LYN: variants seen among roughly 807,000 people sequenced by gnomAD.
The protein encoded by LYN is tyrosine-protein kinase Lyn.
Under a neutral mutation model 65.0 loss-of-function variants are expected in LYN, and 12 were observed. That is an observed-to-expected ratio of 0.18 (90% CI 0.12 to 0.30). The LOEUF (loss-of-function observed/expected upper bound fraction) is 0.30. Ranked by LOEUF, LYN falls within the 10% of genes least tolerant of loss-of-function variation. The pLI is 1.00. For synonymous variants in LYN, 222 were observed against 221.2 expected, an observed-to-expected ratio of 1.00 and a Z score of -0.03; for missense variants, 380 against 623.2, an observed-to-expected ratio of 0.61 and a Z score of 4.16.
At chr8:55,910,093 G>A (rs1485293695) in intron 1 of LYN, among the ~76,000 whole-genome samples, 1 of 151,368 alleles carries the variant, frequency 6.6e-6, no homozygotes, top group Non-Finnish European at 1.5e-5. Flanking sequence ...CCATTCTGCA[G>A]GTTGTCGGTT....
chr8:55,910,352 A>G (rs1395542196), intron 1 of LYN, among the ~76,000 whole-genome samples: 2 of 152,150 alleles, frequency 1.3e-5, no homozygotes, highest in Non-Finnish European at 2.9e-5. Context: ...GTCCAGTTTC[A>G]TTCTTCCGCA....
chr8:55,885,521 G>C (rs1804767969), intron 1 of LYN, among the ~76,000 whole-genome samples: 1 of 152,186 alleles, frequency 6.6e-6, no homozygotes, highest in Non-Finnish European at 1.5e-5. Flanking sequence ...AGGTCTTCGT[G>C]TGGTCTTTGG....
chr8:55,954,913 G>GT (rs1216690709), intron 8 of LYN, among the ~76,000 whole-genome samples: 1 of 152,102 alleles, frequency 6.6e-6, no homozygotes, highest in African/African-American at 2.4e-5. Context: ...GGTGATAAGA[G>GT]TTTTTTAGAA....
At chr8:55,982,862 T>A (rs1807967060) in intron 10 of LYN, among the ~76,000 whole-genome samples, 1 of 152,046 alleles carries the variant, frequency 6.6e-6, no homozygotes, top group South Asian at 2.1e-4. Flanking sequence ...CCACTCACCC[T>A]CCTGCAGCCG....
chr8:55,966,899 T>A lies in LYN; in HGVS notation c.973+2T>A. On this transcript the variant is annotated splice_donor_variant, in intron 9 of 12. Transcript: ENST00000519728. LOFTEE classifies it high-confidence loss of function. ...TCATCACCGAGTACATGGCCAAGGGTGAGTTCCTCCCACTGCCCAGAGCTT... is the reference window on the plus strand; with the variant it reads ...TCATCACCGAGTACATGGCCAAGGGAGAGTTCCTCCCACTGCCCAGAGCTT... 1 of 1,612,176 alleles carries A rather than the reference T, an allele frequency of 6.2e-7. No individual in the cohort carries two copies. Among genetic ancestry groups the A allele is most frequent in the Non-Finnish European group, 8.5e-7 (1 of 1,179,010 alleles).
At chr8:55,906,856 C>G in intron 1 of LYN, among the ~76,000 whole-genome samples, 1 of 152,110 alleles carries the variant, frequency 6.6e-6, no homozygotes. Flanking sequence ...AGCTGAGAGC[C>G]CTGTCCTTAA....
chr8:56,003,043 G>A (rs1395455124), intron 12 of LYN, among the ~76,000 whole-genome samples: 2 of 151,790 alleles, frequency 1.3e-5, no homozygotes, highest in Admixed American at 1.3e-4. Flanking sequence ...GTAAACTGCT[G>A]GCTATGTTTT....
intron 10 of LYN, among the ~76,000 whole-genome samples, chr8:55,979,667 G>A (rs1031653685): frequency 6.6e-6 from 1 of 152,158 alleles, no homozygotes; most frequent in Admixed American, 6.5e-5. Flanking sequence ...CATTCCCCAG[G>A]TTTTGCTGAG....
chr8:55,934,219 C>T (rs748750879), intron 1 of LYN, among the ~76,000 whole-genome samples: 24 of 151,636 alleles, frequency 1.6e-4, no homozygotes, highest in Non-Finnish European at 3.1e-4. Context: ...GAGCGAGATC[C>T]GTCTCAAAAA....
chr8:55,880,678 G>A (rs929355501), intron 1 of LYN, among the ~76,000 whole-genome samples: 1 of 152,244 alleles, frequency 6.6e-6, no homozygotes, highest in Admixed American at 6.5e-5. Flanking sequence ...TCGAGGGGCT[G>A]CAGCGGAGGC....
intron 10 of LYN, among the ~76,000 whole-genome samples, chr8:55,998,020 C>G (rs927971446): frequency 2.6e-5 from 4 of 151,842 alleles, no homozygotes; most frequent in Admixed American, 2.6e-4. Context: ...GGAGGTGGAG[C>G]TTGCAGTGAG....
At chr8:55,998,116 CT>C (rs552617192) in intron 10 of LYN, among the ~76,000 whole-genome samples, 324 of 143,952 alleles carry the variant, frequency 2.3e-3, no homozygotes, top group Admixed American at 2.4e-3. Flanking sequence ...AGACATGTTC[CT>C]TTTTTTTTTT....
Position 55,920,935 on chromosome 8 carries a change from G to C in LYN, c.-5-20920G>C, listed in dbSNP as rs552392072. Among the ~76,000 whole-genome samples the C allele has an allele frequency of 4.4e-3, 674 of 152,276 alleles. 4 individuals are homozygous for C. The highest frequency in any genetic ancestry group is 0.015 in the African/African-American group (622 of 41,546). Reference sequence around the variant, plus strand: ...TGGTCTTGAACTCCTGACCTCAGGTGATCTGCCCGCCTTAGCCTCCCAAAG... The same window carrying C: ...TGGTCTTGAACTCCTGACCTCAGGTCATCTGCCCGCCTTAGCCTCCCAAAG... On this transcript the variant is annotated intron_variant, in intron 1 of 12. Coordinates refer to ENST00000519728, the MANE Select transcript of LYN (RefSeq NM_002350.4).
chr8:55,987,902 C>G (rs1281367911), intron 10 of LYN, among the ~76,000 whole-genome samples: 2 of 152,214 alleles, frequency 1.3e-5, no homozygotes, highest in Non-Finnish European at 2.9e-5. Context: ...ATTTTAACGA[C>G]TAACATGCCT....
chr8:55,951,956 C>G lies in LYN; in HGVS notation c.488-10C>G, dbSNP rs751839684. ...GATATAAACATTTACTTACACTTTT[C>G]CCCCCATAGGAAGCTTCTCTCTGTC... On this transcript the variant is annotated splice_polypyrimidine_tract_variant and intron_variant, in intron 6 of 12. Coordinates refer to ENST00000519728, the MANE Select transcript of LYN (RefSeq NM_002350.4). 7 of 1,606,942 alleles carry G rather than the reference C, an allele frequency of 4.4e-6. No homozygotes were observed. In the South Asian group the frequency reaches 5.6e-5, roughly 13 times the overall value.
intron 1 of LYN, among the ~76,000 whole-genome samples, chr8:55,885,394 T>C (rs1034160960): frequency 6.6e-6 from 1 of 152,218 alleles, no homozygotes; most frequent in African/African-American, 2.4e-5. Flanking sequence ...TGCCCACACC[T>C]TTCTGTGAGC....
intron 1 of LYN, among the ~76,000 whole-genome samples, chr8:55,892,391 G>A (rs1215181230): frequency 6.6e-6 from 1 of 152,194 alleles, no homozygotes; most frequent in Non-Finnish European, 1.5e-5. Flanking sequence ...TTGGACTCCT[G>A]CCTGGGCGAC....
At chr8:55,964,824 A>T (rs948875368) in intron 8 of LYN, among the ~76,000 whole-genome samples, 1 of 152,248 alleles carries the variant, frequency 6.6e-6, no homozygotes, top group African/African-American at 2.4e-5. Context: ...AGCCAGGGAT[A>T]ATCACTGTTG....
At chr8:55,934,307 A>G (rs144981718) in intron 1 of LYN, among the ~76,000 whole-genome samples, 39 of 152,362 alleles carry the variant, frequency 2.6e-4, no homozygotes, top group African/African-American at 9.1e-4. Context: ...AAGTTTGCCA[A>G]CAGGGTTTGA....
Sources: gnomAD v4.1 joint callset for allele counts (sites outside exome capture counted in the v4.1 genomes callset) on GRCh38, gnomAD v4.1.1 for gene constraint, MANE v1.5 for transcripts, NCBI Gene and HGNC (gene_info 2026-07-23, HGNC 2026-07-21) for gene names.